Variants in TAFA1 observed in about 807,000 individuals in gnomAD.
The protein encoded by TAFA1 is chemokine-like protein TAFA-1.
Under a neutral mutation model 18.5 loss-of-function variants are expected in TAFA1, and 4 were observed. The ratio of observed to expected loss-of-function variants is 0.22; its 90% confidence interval spans 0.11 to 0.49. The LOEUF is 0.49. Among genes scored for constraint, TAFA1 ranks in the 20% least tolerant of loss-of-function variants. TAFA1 has a pLI of 0.98. For synonymous variants in TAFA1, 56 were observed against 55.2 expected (o/e 1.01, Z -0.06); for missense variants, 147 against 169.0 (o/e 0.87, Z 0.72).
intron 2 of TAFA1, among the ~76,000 whole-genome samples, chr3:68,341,678 C>T (rs1451323920): frequency 3.3e-5 from 5 of 152,102 alleles, no homozygotes; most frequent in South Asian, 2.1e-4. Flanking sequence ...GTTCAGCCTC[C>T]GCCCAGGAAT....
At chr3:68,132,304 A>AAT (rs2065550099) in intron 2 of TAFA1, among the ~76,000 whole-genome samples, 1 of 152,172 alleles carries the variant, frequency 6.6e-6, no homozygotes, top group South Asian at 2.1e-4. Flanking sequence ...GTTGGTTCCA[A>AAT]GTCTTTGCTA....
At chr3:67,999,212 C>T in the TAFA1 span, among the ~76,000 whole-genome samples, 4 of 151,890 alleles carry the variant, frequency 2.6e-5, no homozygotes, top group Non-Finnish European at 5.9e-5. Flanking sequence ...AGAACATCTT[C>T]CACACTGCCG....
chr3:68,236,812 C>T (rs1194016411), intron 2 of TAFA1, among the ~76,000 whole-genome samples: 3 of 152,060 alleles, frequency 2.0e-5, no homozygotes, highest in African/African-American at 2.4e-5. Context: ...ATTTCCTGGC[C>T]GAGTTATGTT....
At chr3:68,191,788 T>A (rs1457807897) in intron 2 of TAFA1, among the ~76,000 whole-genome samples, 1 of 151,842 alleles carries the variant, frequency 6.6e-6, no homozygotes, top group Non-Finnish European at 1.5e-5. Flanking sequence ...ATAAGCCACA[T>A]GATAATGGGC....
At chr3:68,095,593 G>C (rs957150476) in intron 2 of TAFA1, among the ~76,000 whole-genome samples, 1 of 152,008 alleles carries the variant, frequency 6.6e-6, no homozygotes, top group Non-Finnish European at 1.5e-5. Context: ...CCAAAATATG[G>C]GCTGAGGAAA....
chr3:68,445,721 CA>C (rs1216358943), intron 3 of TAFA1, among the ~76,000 whole-genome samples: 4 of 152,090 alleles, frequency 2.6e-5, no homozygotes, highest in Non-Finnish European at 4.4e-5. Flanking sequence ...GCCTCATCTT[CA>C]AAGTTTCTTC....
intron 3 of TAFA1, among the ~76,000 whole-genome samples, chr3:68,517,426 T>C (rs528588754): frequency 2.0e-5 from 3 of 152,214 alleles, no homozygotes; most frequent in Non-Finnish European, 4.4e-5. Flanking sequence ...CATGGCCTTA[T>C]GTAGTGCCTT....
At chr3:68,454,554 A>C (rs1426008246) in intron 3 of TAFA1, among the ~76,000 whole-genome samples, 1 of 152,140 alleles carries the variant, frequency 6.6e-6, no homozygotes, top group Non-Finnish European at 1.5e-5. Context: ...GCTTCTAAGA[A>C]GGGTTGGAAA....
At chr3:68,168,039 T>A (rs548997966) in intron 2 of TAFA1, among the ~76,000 whole-genome samples, 1 of 151,914 alleles carries the variant, frequency 6.6e-6, no homozygotes, top group African/African-American at 2.4e-5. Context: ...TATTTGTTAA[T>A]CAGTTTTGAC....
intron 2 of TAFA1, among the ~76,000 whole-genome samples, chr3:68,160,893 A>C: frequency 6.6e-6 from 1 of 152,204 alleles, no homozygotes; most frequent in Non-Finnish European, 1.5e-5. Context: ...CTTTCTGACC[A>C]TACACTCAAT....
At chr3:68,073,415 C>G (rs960532778) in intron 2 of TAFA1, among the ~76,000 whole-genome samples, 5 of 152,226 alleles carry the variant, frequency 3.3e-5, no homozygotes, top group African/African-American at 9.6e-5. Flanking sequence ...TATGCTGATT[C>G]TTATTCTGCA....
chr3:68,094,350 T>G (rs2065062801), intron 2 of TAFA1, among the ~76,000 whole-genome samples: 1 of 152,122 alleles, frequency 6.6e-6, no homozygotes, highest in Non-Finnish European at 1.5e-5. Context: ...ACTGTCTCAC[T>G]TCCTCAATTA....
intron 2 of TAFA1, among the ~76,000 whole-genome samples, chr3:68,073,849 C>T (rs767763960): frequency 2.6e-5 from 4 of 152,040 alleles, no homozygotes; most frequent in Non-Finnish European, 5.9e-5. Flanking sequence ...CAGTGGTCTC[C>T]AACCTTTTTG....
At chr3:68,471,603 C>A (rs910007684) in intron 3 of TAFA1, among the ~76,000 whole-genome samples, 1 of 152,174 alleles carries the variant, frequency 6.6e-6, no homozygotes, top group East Asian at 1.9e-4. Flanking sequence ...GGCCAGAAGA[C>A]TTAGCCAGTC....
intron 3 of TAFA1, among the ~76,000 whole-genome samples, chr3:68,426,493 G>T (rs1467528368): frequency 1.3e-5 from 2 of 151,816 alleles, no homozygotes; most frequent in South Asian, 2.1e-4. Context: ...AATAAAAATG[G>T]CTGGTAAACA....
At chr3:68,261,178 T>A (rs193171166) in intron 2 of TAFA1, among the ~76,000 whole-genome samples, 1 of 152,182 alleles carries the variant, frequency 6.6e-6, no homozygotes, top group African/African-American at 2.4e-5. Flanking sequence ...TCATCATCAC[T>A]GGCCATCAGA....
Position 68,087,625 on chromosome 3 carries a change from C to G in TAFA1, c.118+80881C>G, listed in dbSNP as rs573901197. On this transcript the variant is annotated intron_variant, in intron 2 of 4. Coordinates refer to ENST00000478136, the MANE Select transcript of TAFA1 (RefSeq NM_213609.4). ...TTCCTTCTTCCTTCCCTCTCTCCCT[C>G]CCACCCTTCTTTCCTTTCTTCCCTT... Among the ~76,000 whole-genome samples, 23 of 149,790 alleles carry G rather than the reference C, an allele frequency of 1.5e-4. No individual in the cohort carries two copies. In the East Asian group the frequency reaches 4.6e-3, roughly 30 times the overall value.
At chr3:68,428,726 A>T (rs369276183) in intron 3 of TAFA1, among the ~76,000 whole-genome samples, 4 of 151,952 alleles carry the variant, frequency 2.6e-5, no homozygotes, top group East Asian at 1.9e-4. Flanking sequence ...GGTAAAATTT[A>T]TTGGACTATC....
At chr3:68,154,518 T>C (rs2065843510) in intron 2 of TAFA1, among the ~76,000 whole-genome samples, 1 of 152,218 alleles carries the variant, frequency 6.6e-6, no homozygotes, top group Non-Finnish European at 1.5e-5. Flanking sequence ...CTTTAGCTTA[T>C]AATATTGCAG....
Sources: allele counts gnomAD v4.1 joint callset (sites outside exome capture counted in the v4.1 genomes callset), GRCh38; gene constraint gnomAD v4.1.1; transcripts MANE v1.5; gene names NCBI Gene and HGNC (gene_info 2026-07-23, HGNC 2026-07-21).